Variants in ABL1 observed in about 807,000 individuals in gnomAD.
The protein encoded by ABL1 is tyrosine-protein kinase ABL1.
A neutral mutation model predicts 94.7 loss-of-function variants in ABL1; 11 were observed. The ratio of observed to expected loss-of-function variants is 0.12; its 90% CI spans 0.07 to 0.19. The LOEUF (loss-of-function observed/expected upper bound fraction) is 0.19, where lower values mean the gene tolerates loss of function less well. Among genes scored for constraint, ABL1 ranks in the 10% least tolerant of loss-of-function variants. The pLI is 1.00. For synonymous variants in ABL1, 656 were observed against 622.4 expected, an observed-to-expected ratio of 1.05 and a Z score of -0.80; for missense variants, 1,082 against 1,489.4, an observed-to-expected ratio of 0.73 and a Z score of 4.50.
intron 1 of ABL1, among the ~76,000 whole-genome samples, chr9:130,810,179 G>T (rs182334929): frequency 7.2e-5 from 11 of 152,248 alleles, no homozygotes; most frequent in Admixed American, 2.0e-4. Flanking sequence ...CTAAAGAAAA[G>T]ATTTAATATG....
At chr9:130,860,851 G>A (rs1831059540) in intron 3 of ABL1, among the ~76,000 whole-genome samples, 2 of 152,182 alleles carry the variant, frequency 1.3e-5, no homozygotes, top group African/African-American at 4.8e-5. Flanking sequence ...CAGAGGGTCG[G>A]GGATTGGGAG....
intron 1 of ABL1, among the ~76,000 whole-genome samples, chr9:130,810,966 T>C (rs796795597): frequency 1.3e-5 from 2 of 152,224 alleles, no homozygotes; most frequent in African/African-American, 2.4e-5. Context: ...AGATTTCTCA[T>C]TGGAAACAAT....
chr9:130,841,210 C>T (rs537116510), intron 1 of ABL1, among the ~76,000 whole-genome samples: 16 of 151,750 alleles, frequency 1.1e-4, no homozygotes, highest in Middle Eastern at 3.2e-3. Flanking sequence ...TGCAGTTGCA[C>T]GATCTCAGCT....
At chr9:130,755,339 C>A (rs1285636267) in intron 1 of ABL1, among the ~76,000 whole-genome samples, 1 of 152,038 alleles carries the variant, frequency 6.6e-6, no homozygotes, top group African/African-American at 2.4e-5. Context: ...GTGAGTCTGG[C>A]GACTAGAAAT....
chr9:130,806,172 A>G (rs1175344460), intron 1 of ABL1, among the ~76,000 whole-genome samples: 1 of 152,220 alleles, frequency 6.6e-6, no homozygotes, highest in Non-Finnish European at 1.5e-5. Flanking sequence ...GAATCCCAGC[A>G]AACTCTTCAA....
At chr9:130,848,117 G>A (rs970137405) in intron 1 of ABL1, among the ~76,000 whole-genome samples, 3 of 152,220 alleles carry the variant, frequency 2.0e-5, no homozygotes, top group East Asian at 1.9e-4. Context: ...CGAGGTTGAC[G>A]CACCAGAGGG....
rs1831273725 is a variant in ABL1, at chr9:130,872,678, C to T, written c.908-182C>T. 6.6e-6 allele frequency among the ~76,000 whole-genome samples: 1 copy of T among 152,162 alleles called. No homozygotes were observed. Among genetic ancestry groups the T allele is most frequent in the South Asian group, 2.1e-4 (1 of 4,832 alleles). The stretch of plus-strand genomic sequence containing the variant: ...CACTGGCTTGAGAAGAAGAAAAGAG[C>T]CTGGCCATGTCCCTCCCACACGAGC... On this transcript the variant is annotated intron_variant, in intron 5 of 10. Coordinates refer to ENST00000318560, the MANE Select transcript of ABL1 (RefSeq NM_005157.6). This position sits in a 1 kb window ranked among gnomAD's most constrained non-coding sequence, Gnocchi z 5.0.
rs556430830 is a variant in ABL1, at chr9:130,880,719, A to G, written c.1678+55A>G. On this transcript the variant is annotated intron_variant, in intron 10 of 10. Transcript: ENST00000318560. The surrounding 1 kb of genome is among the most constrained non-coding windows in gnomAD (Gnocchi z 4.4). ...GCTCTTCCCTTCCCTGCCAGAGGCT[A>G]CATTCAGGCCATCATAGGCCAACGG... The G allele has an allele frequency of 8.5e-4, 1,361 of 1,591,852 alleles. 2 individuals are homozygous for G. The highest frequency in any genetic ancestry group is 1.4e-3 in the Middle Eastern group (7 of 5,006).
intron 1 of ABL1, among the ~76,000 whole-genome samples, chr9:130,785,377 T>C (rs751867687): frequency 1.1e-4 from 16 of 152,280 alleles, no homozygotes; most frequent in Non-Finnish European, 1.8e-4. Context: ...CTGGGCCAGC[T>C]CTGGATCACG....
intron 1 of ABL1, among the ~76,000 whole-genome samples, chr9:130,745,714 A>G (rs1009667704): frequency 3.9e-5 from 6 of 152,094 alleles, no homozygotes; most frequent in Non-Finnish European, 7.4e-5. Context: ...GAAAATGTTT[A>G]TCAGTGTTGA....
chr9:130,812,193 A>T (rs992053001), intron 1 of ABL1, among the ~76,000 whole-genome samples: 6 of 135,688 alleles, frequency 4.4e-5, no homozygotes, highest in African/African-American at 1.7e-4. Flanking sequence ...GTGAGACTCC[A>T]TCTCTACAAA....
At chr9:130,873,744 CAG>C (rs1369607074) in intron 6 of ABL1, among the ~76,000 whole-genome samples, 7 of 152,198 alleles carry the variant, frequency 4.6e-5, no homozygotes, top group African/African-American at 1.7e-4. Context: ...CTGTGCAGGA[CAG>C]AGCCTGATGG....
intron 1 of ABL1, among the ~76,000 whole-genome samples, chr9:130,802,095 C>CT (rs3085157): frequency 0.011 from 1,482 of 132,036 alleles, 41 homozygotes; most frequent in African/African-American, 0.025. Flanking sequence ...TTCCTTCAGT[C>CT]TTTTTTTTTT....
chr9:130,742,800 A>G (rs1831836364), intron 1 of ABL1, among the ~76,000 whole-genome samples: 2 of 152,128 alleles, frequency 1.3e-5, no homozygotes, highest in Admixed American at 1.3e-4. Context: ...TATCAGATGT[A>G]CGCACATTAG....
At chr9:130,753,321 T>G (rs1278598586) in intron 1 of ABL1, among the ~76,000 whole-genome samples, 1 of 152,000 alleles carries the variant, frequency 6.6e-6, no homozygotes, top group Non-Finnish European at 1.5e-5. Flanking sequence ...TATCACTTCC[T>G]CTGTTCCCAC....
intron 7 of ABL1, among the ~76,000 whole-genome samples, chr9:130,877,223 C>T (rs758826090): frequency 6.1e-5 from 9 of 148,354 alleles, no homozygotes; most frequent in Admixed American, 1.3e-4. Context: ...ATGACGTCCG[C>T]GCCCTCAAAT....
chr9:130,827,899 TAATA>T (rs200452899), intron 1 of ABL1, among the ~76,000 whole-genome samples: 2,063 of 131,524 alleles, frequency 0.016, 32 homozygotes, highest in African/African-American at 0.035. Context: ...GTCTCAAAAA[TAATA>T]AATAAATAAA....
At chr9:130,811,911 CAAAAAAAAAAAA>C (rs1203330162) in intron 1 of ABL1, among the ~76,000 whole-genome samples, 1 of 18,560 alleles carries the variant, frequency 5.4e-5, no homozygotes, top group Non-Finnish European at 1.3e-4. Context: ...GACTCCGTCT[CAAAAAAAAAAAA>C]AAAAAAAAAA....
chr9:130,823,577 C>A (rs975051344), intron 1 of ABL1, among the ~76,000 whole-genome samples: 5 of 152,142 alleles, frequency 3.3e-5, no homozygotes, highest in Admixed American at 2.0e-4. Flanking sequence ...ACAGCTTCTA[C>A]CTCAGGATCC....
Sources: allele counts gnomAD v4.1 joint callset (sites outside exome capture counted in the v4.1 genomes callset), GRCh38; gene constraint gnomAD v4.1.1; non-coding constraint Gnocchi (gnomAD v3.1); transcripts MANE v1.5; gene names NCBI Gene and HGNC (gene_info 2026-07-23, HGNC 2026-07-21).